The following MARCHF8 variants were observed in gnomAD, a reference collection of about 807,000 sequenced individuals.
MARCHF8 encodes the protein E3 ubiquitin-protein ligase MARCHF8.
MARCHF8 carries 40 observed loss-of-function variants against 51.6 expected under a neutral mutation model. The ratio of observed to expected loss-of-function variants is 0.77; its 90% confidence interval spans 0.60 to 1.01. MARCHF8 has a LOEUF of 1.01. Ranked by LOEUF, MARCHF8 falls within the 50% of genes least tolerant of loss-of-function variation. MARCHF8 has a pLI of 0.00. For missense variants in MARCHF8, 685 were observed against 708.6 expected (o/e 0.97, Z 0.38); for synonymous variants, 263 against 280.3 (o/e 0.94, Z 0.62).
At chr10:45,572,523 G>C (rs1473214073) in intron 1 of MARCHF8, among the ~76,000 whole-genome samples, 1 of 152,160 alleles carries the variant, frequency 6.6e-6, no homozygotes, top group Non-Finnish European at 1.5e-5. Flanking sequence ...TAAATGGCCA[G>C]AAAACGGCAT....
rs928717325 is a variant in MARCHF8, at chr10:45,457,873, G to A, written c.*366C>T. The A allele has an allele frequency of 6.2e-5, 14 of 224,766 alleles. No individual in the cohort carries two copies. Among genetic ancestry groups the A allele is most frequent in the African/African-American group, 3.0e-4 (13 of 43,594 alleles). 13.9% of individuals were successfully genotyped at this position (224,766 alleles called of 1,614,324 possible). On this transcript the variant is annotated 3_prime_UTR_variant, in exon 8 of 8. Transcript: ENST00000453424. ...GCTCTGCTCCAGGCTGGGGACCACTGCAAGCTGGAGGCGGCTGGGTATCAG... is the reference window on the plus strand; with the variant it reads ...GCTCTGCTCCAGGCTGGGGACCACTACAAGCTGGAGGCGGCTGGGTATCAG...
At chr10:45,527,986 G>T (rs2043819760) in intron 2 of MARCHF8, among the ~76,000 whole-genome samples, 1 of 151,954 alleles carries the variant, frequency 6.6e-6, no homozygotes, top group African/African-American at 2.4e-5. Context: ...ACATAAACAG[G>T]ATTAAAAACA....
rs1205403642 is a variant in MARCHF8 at position 45,463,413 on chromosome 10, T to C, written c.826A>G (p.Arg276Gly). Residue 276 changes from arginine to glycine, a missense_variant, in exon 5 of 8, where the codon AGG becomes GGG. By Grantham distance (125) the Arg-to-Gly change is moderately radical. Coordinates refer to ENST00000453424, the MANE Select transcript of MARCHF8 (RefSeq NM_001282866.2). ...SHGLSASSLHRFHELESCAAR... is the reference protein window; with the variant it reads ...SHGLSASSLHGFHELESCAAR... ...GCGCAGCTCTCCAGCTCATGGAACC[T>C]GTGCAGGCTGCTGGCGCTCAAGCCG... 2.6e-6 allele frequency: 4 copies of C among 1,550,536 alleles called. No individual in the cohort carries two copies. The highest frequency in any genetic ancestry group is 4.9e-5 in the East Asian group (2 of 40,938).
intron 1 of MARCHF8, among the ~76,000 whole-genome samples, chr10:45,574,484 C>G (rs1039103393): frequency 9.9e-5 from 15 of 152,126 alleles, no homozygotes; most frequent in Non-Finnish European, 2.1e-4. Context: ...TCCTTTGCAC[C>G]CTTCATCCCA....
intron 2 of MARCHF8, among the ~76,000 whole-genome samples, chr10:45,501,164 A>T (rs1292244362): frequency 6.6e-6 from 1 of 151,986 alleles, no homozygotes; most frequent in Non-Finnish European, 1.5e-5. Flanking sequence ...AGATATAGAC[A>T]GGTTATTCTA....
At chr10:45,552,831 G>A (rs931570728) in intron 1 of MARCHF8, among the ~76,000 whole-genome samples, 7 of 152,210 alleles carry the variant, frequency 4.6e-5, no homozygotes, top group African/African-American at 1.7e-4. Flanking sequence ...AAAACCTATT[G>A]TTTCATCTCC....
chr10:45,525,037 C>G (rs2043768288), intron 2 of MARCHF8, among the ~76,000 whole-genome samples: 2 of 152,116 alleles, frequency 1.3e-5, no homozygotes, highest in African/African-American at 4.8e-5. Flanking sequence ...AAGAATTTAT[C>G]TAATAGAGAA....
At chr10:45,539,913 CAG>C (rs1310018548), upstream of MARCHF8, among the ~76,000 whole-genome samples, 1 of 152,170 alleles carries the variant, frequency 6.6e-6, no homozygotes, top group Non-Finnish European at 1.5e-5. Flanking sequence ...CAATAACAGA[CAG>C]AGAGCCAAAT....
rs377521114 is a variant in MARCHF8, at chr10:45,514,330, T to C, written c.102+18780A>G. On this transcript the variant is annotated intron_variant, in intron 2 of 7. Transcript: ENST00000453424. ...GGCACAGCTGACAGGGCACGTCTCC[T>C]ACCTGAAGCTTCATTTTCCAACAAG... Among the ~76,000 whole-genome samples the C allele has an allele frequency of 8.9e-4, 136 of 152,362 alleles. 1 individual carries two copies. Among genetic ancestry groups the C allele is most frequent in the African/African-American group, 3.1e-3 (131 of 41,596 alleles).
rs921689542 is a variant in MARCHF8, at chr10:45,551,904, TCTGA to T, written c.-78-18619_-78-18616del. On this transcript the variant is annotated intron_variant, in intron 1 of 6. Coordinates refer to the MARCHF8 transcript ENST00000319836. The stretch of plus-strand genomic sequence containing the variant: ...TATTGGTTTTGTTTCTTTGCAGAAC[TCTGA>T]CTGATACAATATATCACATAGTTTA... Among the ~76,000 whole-genome samples the T allele has an allele frequency of 9.2e-5, 14 of 152,158 alleles. No homozygotes were observed. The South Asian group carries it at 2.3e-3, about 25-fold the overall frequency.
chr10:45,572,295 T>G (rs909927534), intron 1 of MARCHF8, among the ~76,000 whole-genome samples: 2 of 150,918 alleles, frequency 1.3e-5, no homozygotes, highest in Non-Finnish European at 3.0e-5. Flanking sequence ...CCCACCCCTT[T>G]TCTCCATGTC....
chr10:45,465,441 G>C (rs896138460), intron 3 of MARCHF8, among the ~76,000 whole-genome samples: 1 of 152,240 alleles, frequency 6.6e-6, no homozygotes, highest in South Asian at 2.1e-4. Flanking sequence ...CCCTGGCTGA[G>C]GCCTAGTCCC....
intron 1 of MARCHF8, among the ~76,000 whole-genome samples, chr10:45,549,401 G>T (rs146818104): frequency 0.013 from 1,932 of 152,290 alleles, 29 homozygotes; most frequent in Middle Eastern, 0.024. Context: ...ACTTACAAAG[G>T]CTGCTTCGCT....
chr10:45,544,473 T>C (rs1364835523), intron 1 of MARCHF8, among the ~76,000 whole-genome samples: 1 of 152,172 alleles, frequency 6.6e-6, no homozygotes, highest in African/African-American at 2.4e-5. Flanking sequence ...ATATTCCAAA[T>C]GTCCACCAAC....
intron 1 of MARCHF8, among the ~76,000 whole-genome samples, chr10:45,579,880 G>A (rs2044533198): frequency 6.6e-6 from 1 of 151,768 alleles, no homozygotes. Flanking sequence ...CGGACGTGGT[G>A]GCGGGCATTG....
At chr10:45,538,834 A>G (rs1163102327), upstream of MARCHF8, among the ~76,000 whole-genome samples, 2 of 152,250 alleles carry the variant, frequency 1.3e-5, no homozygotes, top group Admixed American at 6.5e-5. Context: ...TTAGTGACCT[A>G]CAAAGAGACT....
intron 2 of MARCHF8, among the ~76,000 whole-genome samples, chr10:45,506,480 G>C (rs2043388091): frequency 6.6e-6 from 1 of 152,150 alleles, no homozygotes; most frequent in African/African-American, 2.4e-5. Context: ...TGATGACCTT[G>C]TATTTCAACA....
intron 2 of MARCHF8, among the ~76,000 whole-genome samples, chr10:45,500,736 C>A (rs2043263511): frequency 6.6e-6 from 1 of 152,036 alleles, no homozygotes; most frequent in Admixed American, 6.6e-5. Context: ...AAATCTCTAT[C>A]TGCACATGAC....
chr10:45,530,089 C>T (rs1238646530), intron 2 of MARCHF8, among the ~76,000 whole-genome samples: 5 of 152,162 alleles, frequency 3.3e-5, no homozygotes. Flanking sequence ...TGGAATACTA[C>T]TCAGCTATAA....
Sources: allele counts gnomAD v4.1 joint callset (sites outside exome capture counted in the v4.1 genomes callset), GRCh38; gene constraint gnomAD v4.1.1; transcripts MANE v1.5; gene names NCBI Gene and HGNC (gene_info 2026-07-23, HGNC 2026-07-21).